ITGA1: variants seen among roughly 807,000 people sequenced by gnomAD.
ITGA1 encodes the protein integrin alpha-1.
In ITGA1, 85 loss-of-function variants were observed where a neutral mutation model predicts 145.9. That is an observed-to-expected ratio of 0.58 (90% CI 0.49 to 0.70). ITGA1 has a LOEUF of 0.70. ITGA1 is among the 30% of genes least tolerant of loss of function. The pLI is 0.00. For synonymous variants in ITGA1, 520 were observed against 495.3 expected (o/e 1.05, Z -0.66); for missense variants, 1,351 against 1,418.7 (o/e 0.95, Z 0.77).
chr5:52,865,379 T>C (rs1249523041), intron 5 of ITGA1, among the ~76,000 whole-genome samples: 3 of 152,228 alleles, frequency 2.0e-5, no homozygotes, highest in African/African-American at 7.2e-5. Context: ...ATTTGAGATA[T>C]GCTCAAAAAC....
In ITGA1 at chr5:52,864,751, T is replaced by C; in HGVS notation, c.296-12T>C. 1 of 1,555,742 alleles carries C rather than the reference T, an allele frequency of 6.4e-7. No individual in the cohort carries two copies. The highest frequency in any genetic ancestry group is 8.8e-7 in the Non-Finnish European group (1 of 1,136,280). ...ACTTTTCCTCCCTCATAAAATTTTG[T>C]TCTATTTTTAGTTAATACATCAATT... On this transcript the variant is annotated splice_polypyrimidine_tract_variant and intron_variant, in intron 3 of 28. Transcript: ENST00000282588.
intron 3 of ITGA1, among the ~76,000 whole-genome samples, chr5:52,862,712 T>C (rs1049365865): frequency 1.3e-5 from 2 of 152,174 alleles, no homozygotes; most frequent in Admixed American, 6.5e-5. Context: ...GAAATAGATG[T>C]ATTTGACATA....
In ITGA1 at chr5:52,925,340, C is replaced by T. The variant is rs149219424; in HGVS notation, c.2466C>T (p.Val822=). Residue 822 remains valine, a synonymous_variant, in exon 19 of 29, where the codon GTC becomes GTT. Coordinates refer to ENST00000282588, the MANE Select transcript of ITGA1 (RefSeq NM_181501.2). ...EKCISDLSLH[V]ATTEKDLLIV... ...GTATCTCAGACCTCAGCCTGCATGT[C>T]GCCACCACTGAAAAGGACCTGCTGA... 118 of 1,614,078 alleles carry T rather than the reference C, an allele frequency of 7.3e-5. No homozygotes were observed. The Middle Eastern group carries it at 8.2e-4, about 11-fold the overall frequency.
At chr5:52,792,752 C>G (rs547556325) in intron 1 of ITGA1, among the ~76,000 whole-genome samples, 1 of 152,244 alleles carries the variant, frequency 6.6e-6, no homozygotes. Flanking sequence ...CTACACTTCT[C>G]TTCTGTTGTG....
intron 11 of ITGA1, chr5:52,904,625 C>G (rs1750368313): frequency 6.6e-6 from 1 of 152,092 alleles, no homozygotes; most frequent in Non-Finnish European, 1.5e-5. Flanking sequence ...GAGGCTGAGG[C>G]GAGTGCATCA....
In ITGA1 at chr5:52,849,388, T is replaced by C. The variant is rs1461798109; in HGVS notation, c.85T>C (p.Phe29Leu). The stretch of plus-strand genomic sequence containing the variant: ...AGTTGTTCTACGCTGCTGCGTATCA[T>C]TCAATGTTGATGTGAAAAATTCAAT... ...LTVVLRCCVSFNVDVKNSMTF... is the reference protein window; with the variant it reads ...LTVVLRCCVSLNVDVKNSMTF... Residue 29 changes from phenylalanine (F) to leucine (L), a missense_variant, in exon 2 of 29, where the codon TTC (phenylalanine) becomes CTC (leucine). Transcript: ENST00000282588. 1 of 1,611,912 alleles carries C rather than the reference T, an allele frequency of 6.2e-7. No individual in the cohort carries two copies.
intron 1 of ITGA1, among the ~76,000 whole-genome samples, chr5:52,832,462 G>T (rs569036470): frequency 2.0e-5 from 3 of 152,142 alleles, no homozygotes; most frequent in East Asian, 3.9e-4. Context: ...GAAATGGAAG[G>T]GTCAAATTAA....
At chr5:52,897,987 A>C (rs1750255809) in intron 10 of ITGA1, among the ~76,000 whole-genome samples, 2 of 152,166 alleles carry the variant, frequency 1.3e-5, no homozygotes, top group Admixed American at 1.3e-4. Context: ...TGGTCCTTGC[A>C]AAAGAATATT....
chr5:52,797,824 G>A (rs1184120727), intron 1 of ITGA1, among the ~76,000 whole-genome samples: 2 of 152,170 alleles, frequency 1.3e-5, no homozygotes, highest in African/African-American at 2.4e-5. Flanking sequence ...TTACAGGGGA[G>A]AATTAGAGCA....
At chr5:52,896,348 C>T (rs980941284) in intron 9 of ITGA1, among the ~76,000 whole-genome samples, 24 of 152,068 alleles carry the variant, frequency 1.6e-4, no homozygotes, top group African/African-American at 5.8e-4. Context: ...TGAGAAAACA[C>T]CTGAAAGCAT....
chr5:52,853,349 G>A (rs1749457183), intron 2 of ITGA1, among the ~76,000 whole-genome samples: 1 of 152,166 alleles, frequency 6.6e-6, no homozygotes, highest in South Asian at 2.1e-4. Context: ...CAGATAGATT[G>A]CAGACTTACT....
chr5:52,878,083 G>A (rs1222519489), intron 6 of ITGA1, among the ~76,000 whole-genome samples: 1 of 152,104 alleles, frequency 6.6e-6, no homozygotes, highest in Non-Finnish European at 1.5e-5. Context: ...TGAGTCAAGG[G>A]GCTGATTTCT....
rs2454580 is a variant in ITGA1, at chr5:52,834,065, C to T, written c.62-15300C>T. ...CAATATAGAACAATGTACAATAACA[C>T]ATAACATAAGACAGTCCATGTGAAG... On this transcript the variant is annotated intron_variant, in intron 1 of 28. Coordinates refer to ENST00000282588, the MANE Select transcript of ITGA1 (RefSeq NM_181501.2). Among the ~76,000 whole-genome samples, 62 of 152,278 alleles carry T rather than the reference C, an allele frequency of 4.1e-4. No homozygotes were observed. In the East Asian group the frequency reaches 9.6e-3, roughly 24 times the overall value.
intron 23 of ITGA1, among the ~76,000 whole-genome samples, chr5:52,936,284 G>A (rs1292036431): frequency 6.6e-6 from 1 of 150,886 alleles, no homozygotes; most frequent in Non-Finnish European, 1.5e-5. Context: ...CCAGAACACA[G>A]GATTTCTAAC....
At chr5:52,896,948 A>T (rs1211948196) in intron 9 of ITGA1, among the ~76,000 whole-genome samples, 1 of 152,196 alleles carries the variant, frequency 6.6e-6, no homozygotes, top group East Asian at 1.9e-4. Flanking sequence ...TTATCACACA[A>T]TGAAATTCTG....
intron 7 of ITGA1, among the ~76,000 whole-genome samples, chr5:52,887,397 T>C (rs1434786866): frequency 6.6e-6 from 1 of 152,108 alleles, no homozygotes; most frequent in African/African-American, 2.4e-5. Context: ...AAGCAAAATC[T>C]CAAGCAAAAG....
rs138940692 is a variant in ITGA1, at chr5:52,823,496, G to A, written c.62-25869G>A. 8.9e-4 allele frequency among the ~76,000 whole-genome samples: 135 copies of A among 152,260 alleles called. 2 individuals are homozygous for A. Among genetic ancestry groups the A allele is most frequent in the African/African-American group, 3.2e-3 (132 of 41,554 alleles). ...GCTGGGATTGCAGGTGTGAGCCATG[G>A]CACCTATCCAAATCATTTTAAATGG... On this transcript the variant is annotated intron_variant, in intron 1 of 28. Transcript: ENST00000282588.
At chr5:52,849,249 C>T in intron 1 of ITGA1, 116 bp from the exon 2 acceptor site, 3 of 859,520 alleles carry the variant, frequency 3.5e-6, no homozygotes, top group South Asian at 3.0e-5. Context: ...CTTTGAGCTT[C>T]TTTTTTTTTA....
rs533862035 is a variant in ITGA1, at chr5:52,901,131, A to G, written c.1309+2748A>G. On this transcript the variant is annotated intron_variant, in intron 11 of 28. Coordinates refer to ENST00000282588, the MANE Select transcript of ITGA1 (RefSeq NM_181501.2). ...AATCAAGCATTCTAAAAATCAGAGAACCTCTCCTGGATGTGGCCAGAGGGA... is the reference window on the plus strand; with the variant it reads ...AATCAAGCATTCTAAAAATCAGAGAGCCTCTCCTGGATGTGGCCAGAGGGA... Among the ~76,000 whole-genome samples, 10 of 152,230 alleles carry G rather than the reference A, an allele frequency of 6.6e-5. No homozygotes were observed. In the South Asian group the frequency reaches 8.3e-4, roughly 13 times the overall value.
Sources: gnomAD v4.1 joint callset for allele counts (sites outside exome capture counted in the v4.1 genomes callset) on GRCh38, gnomAD v4.1.1 for gene constraint, MANE v1.5 for transcripts, NCBI Gene and HGNC (gene_info 2026-07-23, HGNC 2026-07-21) for gene names.